RTN4RL1: variants seen among roughly 807,000 people sequenced by gnomAD.
RTN4RL1 encodes the protein reticulon 4 receptor like 1, also known as reticulon-4 receptor-like 1.
RTN4RL1 carries 7 observed loss-of-function variants against 25.6 expected under a neutral mutation model. The observed-to-expected ratio is 0.27, with a 90% CI of 0.16 to 0.51. The LOEUF (loss-of-function observed/expected upper bound fraction) is 0.51, where lower values mean the gene tolerates loss of function less well. Among genes scored for constraint, RTN4RL1 ranks in the 20% least tolerant of loss-of-function variants. The pLI, the probability that RTN4RL1 is intolerant of heterozygous loss-of-function variation, is 0.97. For synonymous variants in RTN4RL1, 297 were observed against 288.2 expected, an observed-to-expected ratio of 1.03 and a Z score of -0.31; for missense variants, 500 against 615.6, an observed-to-expected ratio of 0.81 and a Z score of 1.99.
At chr17:1,946,790 C>T (rs1276738219) in intron 1 of RTN4RL1, among the ~76,000 whole-genome samples, 3 of 125,212 alleles carry the variant, frequency 2.4e-5, no homozygotes, top group South Asian at 5.3e-4. Context: ...GTGTGCATGG[C>T]GAATGTGTGC....
At chr17:2,001,047 T>C (rs1171895483) in intron 1 of RTN4RL1, among the ~76,000 whole-genome samples, 2 of 127,862 alleles carry the variant, frequency 1.6e-5, no homozygotes, top group Non-Finnish European at 1.7e-5. Context: ...ATAATGTTTT[T>C]CATTTACTTT....
intron 1 of RTN4RL1, among the ~76,000 whole-genome samples, chr17:1,972,068 G>A (rs1338472032): frequency 1.4e-5 from 2 of 142,656 alleles, no homozygotes; most frequent in Non-Finnish European, 3.2e-5. Context: ...GGCCCAGGAG[G>A]TCAAGGCTGC....
At chr17:1,957,870 A>G (rs113531046) in intron 1 of RTN4RL1, among the ~76,000 whole-genome samples, 50 of 72,178 alleles carry the variant, frequency 6.9e-4, no homozygotes, top group South Asian at 1.6e-3. Flanking sequence ...ACAAACAAAC[A>G]AACGAACAAA....
intron 1 of RTN4RL1, among the ~76,000 whole-genome samples, chr17:1,958,151 C>G (rs1458821776): frequency 6.6e-6 from 1 of 152,214 alleles, no homozygotes; most frequent in Non-Finnish European, 1.5e-5. Flanking sequence ...GATTGCACCA[C>G]TGCACTCCAG....
At chr17:2,023,182 G>C (rs1434777439) in intron 1 of RTN4RL1, among the ~76,000 whole-genome samples, 1 of 152,190 alleles carries the variant, frequency 6.6e-6, no homozygotes, top group East Asian at 1.9e-4. Context: ...AGAGCTGTCT[G>C]GGAAGCCTTC....
chr17:1,967,592 C>G (rs2066797787), intron 1 of RTN4RL1, among the ~76,000 whole-genome samples: 1 of 152,206 alleles, frequency 6.6e-6, no homozygotes, highest in South Asian at 2.1e-4. Flanking sequence ...TCCTCCCAGA[C>G]AGCCATGCAG....
chr17:1,971,547 T>C (rs1010052637), intron 1 of RTN4RL1, among the ~76,000 whole-genome samples: 13 of 152,132 alleles, frequency 8.5e-5, no homozygotes, highest in African/African-American at 3.1e-4. Flanking sequence ...GCCACGTACT[T>C]GGCTGGGCAT....
At chr17:1,940,003 GC>G (rs1472372157) in intron 1 of RTN4RL1, among the ~76,000 whole-genome samples, 2 of 152,198 alleles carry the variant, frequency 1.3e-5, no homozygotes, top group Non-Finnish European at 2.9e-5. Context: ...CAACCCTCTG[GC>G]CACTCTCGGG....
intron 1 of RTN4RL1, among the ~76,000 whole-genome samples, chr17:1,940,735 C>A (rs1429913567): frequency 6.6e-6 from 1 of 152,152 alleles, no homozygotes; most frequent in Non-Finnish European, 1.5e-5. Flanking sequence ...ACACTCCTCA[C>A]CCCTCCTCGG....
Position 1,936,037 on chromosome 17 carries a change from T to C in RTN4RL1, c.*459A>G, listed in dbSNP as rs553144354. Reference sequence around the variant, plus strand: ...AGAGCCAAGATGCCACCTGCTCGTGTGTGCCCAGACTGCTGGCCACCCAGC... The same window carrying C: ...AGAGCCAAGATGCCACCTGCTCGTGCGTGCCCAGACTGCTGGCCACCCAGC... On this transcript the variant is annotated 3_prime_UTR_variant, in exon 2 of 2. Transcript: ENST00000331238. 3.6e-5 allele frequency: 36 copies of C among 991,258 alleles called. No individual in the cohort carries two copies. The South Asian group carries it at 1.7e-3, about 46-fold the overall frequency. 61.4% of individuals were successfully genotyped at this position (991,258 alleles called of 1,614,324 possible).
intron 1 of RTN4RL1, among the ~76,000 whole-genome samples, chr17:1,957,806 T>C (rs891825539): frequency 2.0e-5 from 3 of 151,958 alleles, no homozygotes; most frequent in Non-Finnish European, 1.5e-5. Context: ...ATTGCACCAC[T>C]GCACTCCAGC....
At chr17:2,018,201 G>A (rs537033129) in intron 1 of RTN4RL1, 1 of 152,612 alleles carries the variant, frequency 6.6e-6, no homozygotes, top group African/African-American at 2.4e-5. Flanking sequence ...TCACCCTGGA[G>A]GGAAGCCAGG....
intron 1 of RTN4RL1, among the ~76,000 whole-genome samples, chr17:1,969,423 A>G (rs1027424781): frequency 7.9e-5 from 12 of 152,152 alleles, no homozygotes; most frequent in Non-Finnish European, 1.8e-4. Flanking sequence ...TCTGCCCAGA[A>G]CAGCTAGGAC....
chr17:1,951,299 T>A (rs1208716324), intron 1 of RTN4RL1, among the ~76,000 whole-genome samples: 1 of 151,600 alleles, frequency 6.6e-6, no homozygotes, highest in African/African-American at 2.4e-5. Context: ...TAACAAAAAA[T>A]AGTAAACAAA....
intron 1 of RTN4RL1, among the ~76,000 whole-genome samples, chr17:1,955,557 A>AAAT (rs992577249): frequency 1.3e-3 from 194 of 149,344 alleles, no homozygotes; most frequent in African/African-American, 3.7e-3. Context: ...CCCTATCTCA[A>AAAT]AATAATAATA....
At chr17:1,949,167 T>C (rs1038195073) in intron 1 of RTN4RL1, among the ~76,000 whole-genome samples, 8 of 152,270 alleles carry the variant, frequency 5.3e-5, no homozygotes, top group Admixed American at 2.0e-4. Flanking sequence ...TTTCTTGTGT[T>C]AGCCAGGGTG....
At chr17:2,006,680 G>A (rs1010833053) in intron 1 of RTN4RL1, among the ~76,000 whole-genome samples, 8 of 152,214 alleles carry the variant, frequency 5.3e-5, no homozygotes, top group South Asian at 2.1e-4. Context: ...GAGTGCAGTC[G>A]CACGATCTCA....
rs1243452989 is a variant in RTN4RL1 at position 1,994,922 on chromosome 17, A to AC, written c.13+29930dup. On this transcript the variant is annotated intron_variant, in intron 1 of 1. Transcript: ENST00000331238. This position sits in a 1 kb window ranked among gnomAD's most constrained non-coding sequence, Gnocchi z 4.3. ...AGACCAACCTGGCCAACATAGTAAG[A>AC]CCCCATCTCTAAAAAAAAAAAAAAA... 1.3e-5 allele frequency among the ~76,000 whole-genome samples: 2 copies of AC among 148,854 alleles called. No homozygotes were observed. The highest frequency in any genetic ancestry group is 3.0e-5 in the Non-Finnish European group (2 of 67,598).
chr17:1,940,078 C>G (rs1221155874), intron 1 of RTN4RL1, among the ~76,000 whole-genome samples: 1 of 152,202 alleles, frequency 6.6e-6, no homozygotes, highest in Non-Finnish European at 1.5e-5. Flanking sequence ...GGCCTCACCG[C>G]CACTGTCACC....
Sources: allele counts gnomAD v4.1 joint callset (sites outside exome capture counted in the v4.1 genomes callset), GRCh38; gene constraint gnomAD v4.1.1; non-coding constraint Gnocchi (gnomAD v3.1); transcripts MANE v1.5; gene names NCBI Gene and HGNC (gene_info 2026-07-23, HGNC 2026-07-21).